The following GGA2 variants were observed in gnomAD, a reference collection of about 807,000 sequenced individuals.
GGA2 encodes golgi associated, gamma adaptin ear containing, ARF binding protein 2.
In GGA2, 48 loss-of-function variants were observed where a neutral mutation model predicts 79.5. The observed-to-expected ratio is 0.60, with a 90% CI of 0.48 to 0.77. GGA2 has a LOEUF of 0.77. Ranked by LOEUF, GGA2 falls within the 30% of genes least tolerant of loss-of-function variation. GGA2 has a pLI of 0.00. For missense variants in GGA2, 770 were observed against 774.0 expected (o/e 0.99, Z 0.06); for synonymous variants, 317 against 302.0 (o/e 1.05, Z -0.51).
upstream of GGA2, among the ~76,000 whole-genome samples, chr16:23,512,600 T>C (rs1007866675): frequency 6.6e-6 from 1 of 151,960 alleles, no homozygotes; most frequent in East Asian, 1.9e-4. Context: ...CTGCCCCCAC[T>C]TGCACATCCA....
At chr16:23,481,587 A>G (rs1964649179) in intron 9 of GGA2, among the ~76,000 whole-genome samples, 1 of 152,140 alleles carries the variant, frequency 6.6e-6, no homozygotes, top group South Asian at 2.1e-4. Flanking sequence ...AGCCTGGCCA[A>G]CATGGCAAAA....
chr16:23,510,510 G>C (rs1286860009), upstream of GGA2: 9 of 446,966 alleles, frequency 2.0e-5, no homozygotes, highest in Non-Finnish European at 3.0e-5. Flanking sequence ...AGGAGCGGTG[G>C]ACACGTGACG....
upstream of GGA2, among the ~76,000 whole-genome samples, chr16:23,513,859 T>C (rs1965088566): frequency 6.6e-6 from 1 of 151,816 alleles, no homozygotes. Flanking sequence ...AGCTACTTTG[T>C]CTGATAACAG....
chr16:23,507,258 G>C (rs370127259), intron 1 of GGA2, among the ~76,000 whole-genome samples: 1 of 152,130 alleles, frequency 6.6e-6, no homozygotes, highest in East Asian at 1.9e-4. Flanking sequence ...CTGAAAAACA[G>C]GAAGATCTAG....
intron 14 of GGA2, among the ~76,000 whole-genome samples, chr16:23,470,620 G>A (rs1228223353): frequency 6.6e-6 from 1 of 151,840 alleles, no homozygotes; most frequent in Non-Finnish European, 1.5e-5. Context: ...AAAATTAGCT[G>A]GGCATGGTGG....
In GGA2 at chr16:23,478,909, T is replaced by C. The variant is rs990940148; in HGVS notation, c.1132A>G (p.Ile378Val). The change falls in exon 12 of 17, where the codon ATC (isoleucine) becomes GTC (valine). Residue 378 changes from isoleucine (I) to valine (V), a missense_variant and splice_region_variant. By Grantham distance (29) the Ile-to-Val change is conservative. Coordinates refer to ENST00000309859, the MANE Select transcript of GGA2 (RefSeq NM_015044.4). ...ATGCCTGTAACAGGAGCATCACTGATTCCTGTAAGAAAGGAGTAGAGTGAG... is the reference window on the plus strand; with the variant it reads ...ATGCCTGTAACAGGAGCATCACTGACTCCTGTAAGAAAGGAGTAGAGTGAG... Reference protein sequence around the residue: ...LLHQDLAALGISDAPVTGMVS... With the variant: ...LLHQDLAALGVSDAPVTGMVS... The C allele has an allele frequency of 1.2e-6, 2 of 1,602,922 alleles. No homozygotes were observed. Among genetic ancestry groups the C allele is most frequent in the African/African-American group, 1.3e-5 (1 of 74,792 alleles).
At chr16:23,472,234 C>G (rs1274044378) in intron 14 of GGA2, among the ~76,000 whole-genome samples, 1 of 145,560 alleles carries the variant, frequency 6.9e-6, no homozygotes, top group Admixed American at 6.9e-5. Context: ...CACTGTGTCA[C>G]CCAGGCTGGA....
intron 1 of GGA2, among the ~76,000 whole-genome samples, chr16:23,498,362 G>A (rs1964881530): frequency 6.6e-6 from 1 of 151,958 alleles, no homozygotes; most frequent in African/African-American, 2.4e-5. Context: ...AGGAGGTGGA[G>A]GCTACAGTGA....
At chr16:23,473,330 C>CTTTTT (rs34972165) in intron 14 of GGA2, among the ~76,000 whole-genome samples, 1,835 of 70,696 alleles carry the variant, frequency 0.026, 541 homozygotes, top group Admixed American at 0.03. Context: ...CTTTTCTAGT[C>CTTTTT]TTTTTTTTTT....
Position 23,474,956 on chromosome 16 carries a change from T to C in GGA2, c.1398A>G (p.Ser466=). 6.2e-7 allele frequency: 1 copy of C among 1,612,852 alleles called. No homozygotes were observed. The highest frequency in any genetic ancestry group is 8.5e-7 in the Non-Finnish European group (1 of 1,179,186). Residue 466 remains serine, a synonymous_variant, in exon 14 of 17, where the codon TCA becomes TCG. Coordinates refer to ENST00000309859, the MANE Select transcript of GGA2 (RefSeq NM_015044.4). The part of the protein sequence containing the change: ...EAGPLAPSPS[S]QNTPLAQVFV... The stretch of plus-strand genomic sequence containing the variant: ...ACACTTGAGCCAGAGGTGTATTCTG[T>C]GAAGATGGGGAAGGAGCCAACGGGC...
chr16:23,493,255 G>C, intron 4 of GGA2, 105 bp downstream of exon 4: 1 of 734,686 alleles, frequency 1.4e-6, no homozygotes, highest in Non-Finnish European at 2.5e-6. Context: ...GGCAGGAGCA[G>C]GTTTTGTCCA....
At chr16:23,489,425 A>G (rs1308180565) in intron 5 of GGA2, among the ~76,000 whole-genome samples, 1 of 152,048 alleles carries the variant, frequency 6.6e-6, no homozygotes, top group Non-Finnish European at 1.5e-5. Flanking sequence ...TTTTTTGTAG[A>G]GATGGGGGTC....
intron 2 of GGA2, among the ~76,000 whole-genome samples, chr16:23,494,671 T>C (rs4967957): frequency 0.022 from 3,370 of 152,188 alleles, 84 homozygotes; most frequent in Admixed American, 0.067. Flanking sequence ...GTCCCATGAG[T>C]AGCCACAGCA....
chr16:23,490,460 A>T (rs1596987651), intron 5 of GGA2, among the ~76,000 whole-genome samples: 1 of 152,160 alleles, frequency 6.6e-6, no homozygotes, highest in East Asian at 1.9e-4. Context: ...CACAGCCGGG[A>T]GCGGTGGCTC....
intron 10 of GGA2, 147 bp from the exon 11 acceptor site, chr16:23,480,034 T>A: frequency 1.4e-6 from 1 of 705,138 alleles, no homozygotes. Flanking sequence ...CAGCTGAGTG[T>A]CCTGACACAC....
chr16:23,522,007 C>T (rs975173684), upstream of GGA2: 1 of 352,750 alleles, frequency 2.8e-6, no homozygotes, highest in Non-Finnish European at 5.6e-6. Flanking sequence ...AAAAATACTG[C>T]TTCTCTCATA....
chr16:23,480,801 T>C (rs1356953322), intron 9 of GGA2, 31 bp from the exon 10 acceptor site: 8 of 1,591,326 alleles, frequency 5.0e-6, no homozygotes, highest in Non-Finnish European at 6.9e-6. Context: ...CAGAACCCCC[T>C]GGTTTGGCAA....
At chr16:23,522,174 A>G (rs898270695), upstream of GGA2, 1 of 209,806 alleles carries the variant, frequency 4.8e-6, no homozygotes, top group Non-Finnish European at 1.0e-5. Context: ...CTGCCATTAC[A>G]TCATCTTCTG....
intron 2 of GGA2, among the ~76,000 whole-genome samples, chr16:23,515,819 T>C (rs1965099676): frequency 6.6e-6 from 1 of 152,122 alleles, no homozygotes; most frequent in East Asian, 1.9e-4. Flanking sequence ...GCAGATCAGA[T>C]GACTTTTCAG....
Sources: gnomAD v4.1 joint callset for allele counts (sites outside exome capture counted in the v4.1 genomes callset) on GRCh38, gnomAD v4.1.1 for gene constraint, MANE v1.5 for transcripts, NCBI Gene and HGNC (gene_info 2026-07-23, HGNC 2026-07-21) for gene names.